The following SPECC1L variants were observed in gnomAD, a reference collection of about 807,000 sequenced individuals.
SPECC1L encodes cytospin-A.
In SPECC1L, 40 loss-of-function variants were observed where a neutral mutation model predicts 116.8. The observed-to-expected ratio is 0.34, with a 90% confidence interval of 0.27 to 0.45. SPECC1L has a LOEUF of 0.45. Among genes scored for constraint, SPECC1L ranks in the 20% least tolerant of loss-of-function variants. SPECC1L has a pLI of 1.00. For missense variants in SPECC1L, 1,110 were observed against 1,373.6 expected, an observed-to-expected ratio of 0.81 and a Z score of 3.03; for synonymous variants, 504 against 500.6, an observed-to-expected ratio of 1.01 and a Z score of -0.09.
chr22:24,394,202 C>T (rs1341185544), intron 14 of SPECC1L, among the ~76,000 whole-genome samples: 1 of 152,176 alleles, frequency 6.6e-6, no homozygotes, highest in Admixed American at 6.5e-5. Flanking sequence ...TAACAAAGTA[C>T]CATAGCCTGG....
chr22:24,321,610 T>A lies in SPECC1L; in HGVS notation c.630T>A (p.Arg210=), dbSNP rs1286490453. The A allele has an allele frequency of 1.2e-6, 2 of 1,614,232 alleles. No individual in the cohort carries two copies. Among genetic ancestry groups the A allele is most frequent in the African/African-American group, 2.7e-5 (2 of 75,068 alleles). Reference sequence around the variant, plus strand: ...TGAGAAATGAACTGCGAGACATGCGTGCCCAGCTGGGCATTAATGAGGATC... The same window carrying A: ...TGAGAAATGAACTGCGAGACATGCGAGCCCAGCTGGGCATTAATGAGGATC... ...LHLRNELRDM[R]AQLGINEDHS... Residue 210 remains arginine (R), a synonymous_variant, in exon 5 of 17, where the codon CGT becomes CGA. Coordinates refer to ENST00000314328, the MANE Select transcript of SPECC1L (RefSeq NM_015330.6).
chr22:24,353,036 T>C (rs1175204573), intron 11 of SPECC1L, among the ~76,000 whole-genome samples: 1 of 152,236 alleles, frequency 6.6e-6, no homozygotes, highest in Non-Finnish European at 1.5e-5. Flanking sequence ...GTGTGTTTCC[T>C]TTTGAAATAA....
chr22:24,387,939 A>G (rs753726347), intron 14 of SPECC1L, among the ~76,000 whole-genome samples: 3 of 152,064 alleles, frequency 2.0e-5, no homozygotes, highest in Non-Finnish European at 4.4e-5. Flanking sequence ...CCCTTCCTCC[A>G]TCTTCAAAGC....
chr22:24,354,925 C>T (rs529108758), intron 11 of SPECC1L, among the ~76,000 whole-genome samples: 1 of 148,294 alleles, frequency 6.7e-6, no homozygotes, highest in African/African-American at 2.5e-5. Flanking sequence ...GCTGGGATTA[C>T]AGGCATAAGC....
chr22:24,374,342 A>G (rs2041929482), intron 14 of SPECC1L, among the ~76,000 whole-genome samples: 1 of 152,068 alleles, frequency 6.6e-6, no homozygotes, highest in African/African-American at 2.4e-5. Context: ...TTGCAGCACT[A>G]TTCACAATAG....
chr22:24,346,908 AT>A (rs1972761013), intron 10 of SPECC1L, among the ~76,000 whole-genome samples, 177 bp from the exon 11 acceptor site: 1 of 152,224 alleles, frequency 6.6e-6, no homozygotes, highest in African/African-American at 2.4e-5. Flanking sequence ...AAAAAGTCTA[AT>A]TTTTAAAAAA....
chr22:24,394,365 G>A (rs2146749024), intron 14 of SPECC1L, among the ~76,000 whole-genome samples: 1 of 152,312 alleles, frequency 6.6e-6, no homozygotes, highest in East Asian at 1.9e-4. Flanking sequence ...AAGAGAATGA[G>A]AGAGCTGTCT....
chr22:24,304,887 G>A (rs1412877240), intron 3 of SPECC1L, among the ~76,000 whole-genome samples: 5 of 152,300 alleles, frequency 3.3e-5, no homozygotes, highest in South Asian at 2.1e-4. Context: ...AGAAGTATAC[G>A]TACCTGGTTG....
At chr22:24,366,011 G>A (rs888628464) in intron 13 of SPECC1L, among the ~76,000 whole-genome samples, 5 of 152,006 alleles carry the variant, frequency 3.3e-5, no homozygotes, top group Non-Finnish European at 7.4e-5. Context: ...GATTGGCAAG[G>A]TCAGTAACTT....
At chr22:24,334,868 A>G (rs2041020668) in intron 9 of SPECC1L, among the ~76,000 whole-genome samples, 2 of 152,198 alleles carry the variant, frequency 1.3e-5, no homozygotes, top group Admixed American at 6.5e-5. Flanking sequence ...TATGCCTGAG[A>G]ACTTCCAGAT....
At chr22:24,384,179 G>T (rs923036635) in intron 14 of SPECC1L, among the ~76,000 whole-genome samples, 23 of 151,890 alleles carry the variant, frequency 1.5e-4, no homozygotes, top group African/African-American at 5.3e-4. Context: ...TATACCAAAA[G>T]AGAGGGCTAG....
At chr22:24,316,059 T>C (rs1294444995) in intron 4 of SPECC1L, among the ~76,000 whole-genome samples, 1 of 152,238 alleles carries the variant, frequency 6.6e-6, no homozygotes, top group Non-Finnish European at 1.5e-5. Context: ...ATATTAATTT[T>C]GTGTGTTTTG....
intron 11 of SPECC1L, among the ~76,000 whole-genome samples, chr22:24,352,531 A>G (rs75251313): frequency 2.1e-5 from 3 of 145,968 alleles, no homozygotes; most frequent in Admixed American, 1.3e-4. Context: ...GAGTATTTTG[A>G]AAAAAAAATG....
At chr22:24,319,485 T>C (rs1478472849) in intron 4 of SPECC1L, among the ~76,000 whole-genome samples, 1 of 152,212 alleles carries the variant, frequency 6.6e-6, no homozygotes, top group Non-Finnish European at 1.5e-5. Context: ...AGATGAGATT[T>C]GGGTGGGGAC....
intron 14 of SPECC1L, among the ~76,000 whole-genome samples, chr22:24,409,531 T>G (rs2042652522): frequency 6.6e-6 from 1 of 152,220 alleles, no homozygotes; most frequent in Non-Finnish European, 1.5e-5. Flanking sequence ...ATCACACCTG[T>G]AATCCCAGCA....
At chr22:24,307,989 C>A (rs1388374926) in intron 3 of SPECC1L, among the ~76,000 whole-genome samples, 1 of 152,070 alleles carries the variant, frequency 6.6e-6, no homozygotes, top group Non-Finnish European at 1.5e-5. Context: ...CCAGTATACT[C>A]TATCAAGATT....
At chr22:24,370,991 G>T (rs2041860522) in intron 14 of SPECC1L, among the ~76,000 whole-genome samples, 1 of 152,096 alleles carries the variant, frequency 6.6e-6, no homozygotes, top group African/African-American at 2.4e-5. Context: ...GGAGATGGAT[G>T]GTGGTGATGG....
chr22:24,390,867 C>CTTTTTTTTTTTTTTTTTTTTT (rs1556306072), intron 14 of SPECC1L, among the ~76,000 whole-genome samples: 3 of 47,620 alleles, frequency 6.3e-5, no homozygotes, highest in Admixed American at 2.9e-4. Flanking sequence ...TTTTTTTTTT[C>CTTTTTTTTTTTTTTTTTTTTT]TTTTCTTTTT....
intron 15 of SPECC1L, chr22:24,412,440 G>A (rs1264901326): frequency 3.1e-6 from 2 of 642,128 alleles, no homozygotes; most frequent in Admixed American, 2.2e-5. Context: ...GTGGGTCACT[G>A]CAGCAGGTCA....
Sources: allele counts gnomAD v4.1 joint callset (sites outside exome capture counted in the v4.1 genomes callset), GRCh38; gene constraint gnomAD v4.1.1; transcripts MANE v1.5; gene names NCBI Gene and HGNC (gene_info 2026-07-23, HGNC 2026-07-21).